The following RANBP2 variants were observed in gnomAD, a reference collection of about 807,000 sequenced individuals.
RANBP2 encodes E3 SUMO-protein ligase RanBP2.
Under a neutral mutation model 303.6 loss-of-function variants are expected in RANBP2, and 57 were observed. The observed-to-expected ratio is 0.19, with a 90% CI of 0.15 to 0.23. The LOEUF is 0.23. Ranked by LOEUF, RANBP2 falls within the 10% of genes least tolerant of loss-of-function variation. The probability of loss-of-function intolerance (pLI) is 1.00; values close to 1 mark genes in which losing one functional copy is unlikely to be tolerated. For missense variants in RANBP2, 3,138 were observed against 3,780.8 expected (o/e 0.83, Z 4.46); for synonymous variants, 1,167 against 1,301.5 (o/e 0.90, Z 2.23).
the RANBP2 span, among the ~76,000 whole-genome samples, chr2:109,196,549 G>T: frequency 1.1e-3 from 161 of 152,334 alleles, no homozygotes; most frequent in Non-Finnish European, 1.1e-3. Context: ...AGGTCCGTGG[G>T]TTTGTCGTCC....
chr2:109,347,667 C>A, the RANBP2 span: 1 of 1,612,524 alleles, frequency 6.2e-7, no homozygotes, highest in Non-Finnish European at 8.5e-7. Flanking sequence ...CTGTCTGTTG[C>A]TTGCAGAATC....
chr2:108,906,864 G>C, the RANBP2 span, among the ~76,000 whole-genome samples: 1 of 152,204 alleles, frequency 6.6e-6, no homozygotes, highest in African/African-American at 2.4e-5. Flanking sequence ...GCAAGTGGCA[G>C]CCCCATTACA....
At chr2:108,905,349 G>T in the RANBP2 span, among the ~76,000 whole-genome samples, 1 of 152,346 alleles carries the variant, frequency 6.6e-6, no homozygotes, top group Admixed American at 6.5e-5. Context: ...CCCAGGCCAT[G>T]CCAGGTGAGA....
At chr2:109,028,667 T>A in the RANBP2 span, among the ~76,000 whole-genome samples, 1 of 152,120 alleles carries the variant, frequency 6.6e-6, no homozygotes, top group African/African-American at 2.4e-5. Flanking sequence ...CCTCCGAGGG[T>A]GGCAGACATG....
the RANBP2 span, among the ~76,000 whole-genome samples, chr2:109,675,318 G>A: frequency 3.3e-5 from 5 of 152,314 alleles, no homozygotes; most frequent in East Asian, 9.6e-4. Flanking sequence ...GTTCTTCCTG[G>A]TATACTAACA....
At chr2:108,824,656 T>C in the RANBP2 span, among the ~76,000 whole-genome samples, 1 of 152,170 alleles carries the variant, frequency 6.6e-6, no homozygotes, top group Admixed American at 6.5e-5. Context: ...AAGTATAGTG[T>C]AGCAAATATG....
the RANBP2 span, among the ~76,000 whole-genome samples, chr2:109,124,831 C>T: frequency 6.6e-6 from 1 of 152,182 alleles, no homozygotes; most frequent in Non-Finnish European, 1.5e-5. Flanking sequence ...TCCTCAACCC[C>T]ACACGGTGCA....
At chr2:109,050,010 C>T in the RANBP2 span, among the ~76,000 whole-genome samples, 1 of 152,106 alleles carries the variant, frequency 6.6e-6, no homozygotes, top group Admixed American at 6.5e-5. Flanking sequence ...GTGTGTTACA[C>T]GTTTGAGCAG....
At chr2:109,715,438 G>A in the RANBP2 span, among the ~76,000 whole-genome samples, 1 of 152,126 alleles carries the variant, frequency 6.6e-6, no homozygotes, top group East Asian at 1.9e-4. Flanking sequence ...ACAGAACTCA[G>A]GGAGACACTT....
chr2:108,854,073 A>G, the RANBP2 span, among the ~76,000 whole-genome samples: 1 of 125,636 alleles, frequency 8.0e-6, no homozygotes, highest in African/African-American at 3.2e-5. Context: ...TATTTTATAT[A>G]TAATATAATA....
chr2:108,815,104 G>A, the RANBP2 span, among the ~76,000 whole-genome samples: 1 of 151,600 alleles, frequency 6.6e-6, no homozygotes, highest in Non-Finnish European at 1.5e-5. Context: ...ATTTTGGTAG[G>A]CTGTCAGAGG....
the RANBP2 span, among the ~76,000 whole-genome samples, chr2:108,871,370 T>TAAA: frequency 3.9e-5 from 3 of 76,644 alleles, no homozygotes; most frequent in South Asian, 4.5e-4. Flanking sequence ...CCAACTCTAT[T>TAAA]AAAAAAAAAA....
the RANBP2 span, among the ~76,000 whole-genome samples, chr2:108,916,829 G>A: frequency 2.6e-5 from 4 of 152,170 alleles, no homozygotes; most frequent in Admixed American, 6.5e-5. Flanking sequence ...GCCCCCTCAC[G>A]TTCCAAAGTT....
At chr2:108,737,739 A>G (rs1695725317) in intron 6 of RANBP2, among the ~76,000 whole-genome samples, 2 of 128,396 alleles carry the variant, frequency 1.6e-5, no homozygotes, top group Non-Finnish European at 3.3e-5. Context: ...TTTGAGACAG[A>G]GTCTCGCTCT....
At chr2:109,672,960 T>C in the RANBP2 span, among the ~76,000 whole-genome samples, 2 of 152,226 alleles carry the variant, frequency 1.3e-5, no homozygotes, top group Non-Finnish European at 2.9e-5. Flanking sequence ...GGTTGTTTGA[T>C]ATTACTAAAG....
At chr2:108,952,664 A>G in the RANBP2 span, among the ~76,000 whole-genome samples, 1 of 152,238 alleles carries the variant, frequency 6.6e-6, no homozygotes, top group South Asian at 2.1e-4. Flanking sequence ...GAGTTATTCT[A>G]AAGTCTTAGT....
At chr2:108,793,784 A>G in the RANBP2 span, among the ~76,000 whole-genome samples, 2 of 150,638 alleles carry the variant, frequency 1.3e-5, no homozygotes, top group Admixed American at 6.6e-5. Context: ...TTGTATTTTT[A>G]GTAGAGACGG....
the RANBP2 span, among the ~76,000 whole-genome samples, chr2:109,109,857 ATC>A: frequency 2.0e-5 from 3 of 152,156 alleles, no homozygotes; most frequent in Admixed American, 2.0e-4. Flanking sequence ...TTATGTTCTT[ATC>A]TCTATAAAAA....
At chr2:109,213,261 C>T in the RANBP2 span, among the ~76,000 whole-genome samples, 1 of 152,210 alleles carries the variant, frequency 6.6e-6, no homozygotes, top group African/African-American at 2.4e-5. Context: ...CAGGACATGG[C>T]TCTTCCTCCC....
Sources: allele counts gnomAD v4.1 joint callset (sites outside exome capture counted in the v4.1 genomes callset), GRCh38; gene constraint gnomAD v4.1.1; transcripts MANE v1.5; gene names NCBI Gene and HGNC (gene_info 2026-07-23, HGNC 2026-07-21).